The following CENPP variants were observed in gnomAD, a reference collection of about 807,000 sequenced individuals.
CENPP encodes the protein centromere protein P.
A neutral mutation model predicts 35.6 loss-of-function variants in CENPP; 24 were observed. That is an observed-to-expected ratio of 0.67 (90% CI 0.49 to 0.95). The LOEUF is 0.95. CENPP is among the 40% of genes least tolerant of loss of function. CENPP has a pLI of 0.00. For synonymous variants in CENPP, 120 were observed against 125.5 expected (o/e 0.96, Z 0.29); for missense variants, 332 against 345.3 (o/e 0.96, Z 0.31).
chr9:92,448,710 A>AG (rs1280854451), intron 5 of CENPP, among the ~76,000 whole-genome samples: 3 of 152,070 alleles, frequency 2.0e-5, no homozygotes, highest in African/African-American at 7.2e-5. Context: ...ATGCAAAAAA[A>AG]CCTGAAAAGG....
intron 4 of CENPP, among the ~76,000 whole-genome samples, chr9:92,367,985 C>G (rs1841928178): frequency 6.6e-6 from 1 of 152,162 alleles, no homozygotes; most frequent in Admixed American, 6.5e-5. Context: ...TTAGTTGTTG[C>G]TTTTTTTAAA....
At chr9:92,520,370 G>C (rs1333005949) in intron 5 of CENPP, among the ~76,000 whole-genome samples, 1 of 152,096 alleles carries the variant, frequency 6.6e-6, no homozygotes, top group Non-Finnish European at 1.5e-5. Context: ...ATAAAAAGAT[G>C]CTTAACATCA....
At position 92,461,645 on chromosome 9, in the gene CENPP, T is replaced by A. The variant is rs1044014343; in HGVS notation, c.564+81786T>A. Among the ~76,000 whole-genome samples, 18 of 151,780 alleles carry A rather than the reference T, an allele frequency of 1.2e-4. No homozygotes were observed. In the South Asian group the frequency reaches 2.5e-3, roughly 21 times the overall value. ...ATTCAGATAAAAGCAAATCAGCCTT[T>A]CACCTGAGGGTCTTAGCATTCATGC... On this transcript the variant is annotated intron_variant, in intron 5 of 7. Transcript: ENST00000375587.
intron 3 of CENPP, among the ~76,000 whole-genome samples, chr9:92,341,845 C>T (rs1295613403): frequency 1.3e-5 from 2 of 152,242 alleles, no homozygotes; most frequent in Non-Finnish European, 2.9e-5. Context: ...CCAATATTCT[C>T]ATCCTCATGT....
At position 92,618,632 on chromosome 9, in the gene CENPP, C is replaced by A. The variant is rs1454675218; in HGVS notation, c.*5483C>A. On this transcript the variant is annotated 3_prime_UTR_variant, in exon 8 of 8. Transcript: ENST00000375587. The stretch of plus-strand genomic sequence containing the variant: ...TCATAACTTAGCCCTGTAGGTATTT[C>A]CTTAGGGGATAACAGGAGTTTTCAA... 2.2e-6 allele frequency: 1 copy of A among 449,390 alleles called. No homozygotes were observed. The highest frequency in any genetic ancestry group is 4.5e-6 in the Non-Finnish European group (1 of 221,418). 27.8% of individuals were successfully genotyped at this position (449,390 alleles called of 1,614,324 possible).
At chr9:92,552,208 CA>C (rs1849630909) in intron 5 of CENPP, among the ~76,000 whole-genome samples, 1 of 150,610 alleles carries the variant, frequency 6.6e-6, no homozygotes, top group African/African-American at 2.5e-5. Context: ...CACACACACA[CA>C]CACACACCCC....
chr9:92,597,579 T>C (rs1850813247), intron 5 of CENPP, among the ~76,000 whole-genome samples: 1 of 152,348 alleles, frequency 6.6e-6, no homozygotes, highest in African/African-American at 2.4e-5. Flanking sequence ...AATAATTACA[T>C]AAAGAGAAAA....
At chr9:92,577,307 A>G (rs377523150) in intron 5 of CENPP, among the ~76,000 whole-genome samples, 2 of 152,180 alleles carry the variant, frequency 1.3e-5, no homozygotes, top group Non-Finnish European at 2.9e-5. Flanking sequence ...TGAGGCCAGG[A>G]GTTCAAGACC....
chr9:92,334,121 G>GTTT (rs11423555), intron 2 of CENPP, among the ~76,000 whole-genome samples: 31 of 133,962 alleles, frequency 2.3e-4, no homozygotes, highest in Middle Eastern at 4.2e-3. Flanking sequence ...TGAGAGTAGG[G>GTTT]TTTTTTTTTT....
intron 5 of CENPP, among the ~76,000 whole-genome samples, chr9:92,605,596 G>A (rs1407211838): frequency 6.6e-6 from 1 of 152,102 alleles, no homozygotes; most frequent in African/African-American, 2.4e-5. Flanking sequence ...GATATTCACA[G>A]ACAAAAGAAT....
intron 4 of CENPP, among the ~76,000 whole-genome samples, chr9:92,358,951 T>TC (rs1267414116): frequency 8.7e-6 from 1 of 114,452 alleles, no homozygotes; most frequent in Non-Finnish European, 1.7e-5. Context: ...TTTCTTTCTT[T>TC]CTTTTTTTTT....
intron 5 of CENPP, among the ~76,000 whole-genome samples, chr9:92,599,794 G>C (rs62574664): frequency 6.6e-6 from 1 of 152,106 alleles, no homozygotes; most frequent in Non-Finnish European, 1.5e-5. Flanking sequence ...TAAAAGTATG[G>C]TGTAGCTCCC....
At chr9:92,544,411 G>T (rs1419124174) in intron 5 of CENPP, among the ~76,000 whole-genome samples, 2 of 152,202 alleles carry the variant, frequency 1.3e-5, no homozygotes, top group African/African-American at 4.8e-5. Flanking sequence ...TGGAGGCAGA[G>T]GTTGCAGCGA....
chr9:92,461,518 G>T (rs1239470944), intron 5 of CENPP, among the ~76,000 whole-genome samples: 1 of 151,982 alleles, frequency 6.6e-6, no homozygotes, highest in Non-Finnish European at 1.5e-5. Flanking sequence ...TAATTTGTTT[G>T]AGACACTCCT....
chr9:92,496,786 AAAC>A (rs1318112344), intron 5 of CENPP, among the ~76,000 whole-genome samples: 33 of 152,350 alleles, frequency 2.2e-4, no homozygotes, highest in African/African-American at 7.7e-4. Flanking sequence ...GTGCAAAGTT[AAAC>A]AACATGACAA....
intron 5 of CENPP, chr9:92,389,759 T>G (rs1842592328): frequency 9.2e-6 from 7 of 757,336 alleles, no homozygotes; most frequent in South Asian, 7.9e-5. Context: ...AAATAGTTTT[T>G]AAGTGTAATC....
intron 5 of CENPP, among the ~76,000 whole-genome samples, chr9:92,592,418 T>C (rs1249559213): frequency 6.6e-6 from 1 of 152,244 alleles, no homozygotes; most frequent in East Asian, 1.9e-4. Context: ...GGCCTTCTTT[T>C]GCTCCCTGTT....
intron 5 of CENPP, among the ~76,000 whole-genome samples, chr9:92,597,504 TTAA>T (rs1167623472): frequency 1.3e-5 from 2 of 152,228 alleles, no homozygotes; most frequent in African/African-American, 2.4e-5. Context: ...AGTTTAAACC[TTAA>T]TGATAAAATT....
intron 5 of CENPP, chr9:92,417,268 G>A (rs1420141403): frequency 6.2e-7 from 1 of 1,614,082 alleles, no homozygotes; most frequent in Non-Finnish European, 8.5e-7. Context: ...TGAACTGAAG[G>A]TAGAGTTGCT....
Sources: allele counts gnomAD v4.1 joint callset (sites outside exome capture counted in the v4.1 genomes callset), GRCh38; gene constraint gnomAD v4.1.1; transcripts MANE v1.5; gene names NCBI Gene and HGNC (gene_info 2026-07-23, HGNC 2026-07-21).